Variants in LHX4 observed in about 807,000 individuals in gnomAD.
LHX4 encodes the protein LIM/homeobox protein Lhx4.
Under a neutral mutation model 39.2 loss-of-function variants are expected in LHX4, and 16 were observed. The observed-to-expected ratio is 0.41, with a 90% CI of 0.28 to 0.62. The LOEUF (loss-of-function observed/expected upper bound fraction) is 0.62, where lower values mean the gene tolerates loss of function less well. LHX4 is among the 20% of genes least tolerant of loss of function. The pLI is 0.33. For synonymous variants in LHX4, 206 were observed against 198.1 expected, an observed-to-expected ratio of 1.04 and a Z score of -0.33; for missense variants, 439 against 511.9, an observed-to-expected ratio of 0.86 and a Z score of 1.37.
At position 180,234,983 on chromosome 1, in the gene LHX4, G is replaced by A. The variant is rs1664277760; in HGVS notation, c.76+4378G>A. Among the ~76,000 whole-genome samples the A allele has an allele frequency of 6.6e-6, 1 of 152,240 alleles. No homozygotes were observed. ...ATGAGCGTTTGCTGCGCACCCATGG[G>A]CGGCTCACGATCCTGGGCACTCGCC... On this transcript the variant is annotated intron_variant, in intron 1 of 5. Transcript: ENST00000263726. This position sits in a 1 kb window ranked among gnomAD's most constrained non-coding sequence, Gnocchi z 4.8.
At chr1:180,255,598 A>C (rs1442775163) in intron 2 of LHX4, among the ~76,000 whole-genome samples, 4 of 152,228 alleles carry the variant, frequency 2.6e-5, no homozygotes, top group African/African-American at 9.6e-5. Context: ...AAAGATTCAA[A>C]CACACTGGTG....
At chr1:180,239,610 T>G (rs1295617008) in intron 1 of LHX4, among the ~76,000 whole-genome samples, 1 of 152,088 alleles carries the variant, frequency 6.6e-6, no homozygotes, top group African/African-American at 2.4e-5. Flanking sequence ...CAGATGGAGG[T>G]GGCTTTGATT....
rs150154525 is a variant in LHX4, at chr1:180,273,994, T to C, written c.779-191T>C. The C allele has an allele frequency of 1.7e-4, 111 of 635,766 alleles. No individual in the cohort carries two copies. The African/African-American group carries it at 1.8e-3, about 10-fold the overall frequency. 39.4% of individuals were successfully genotyped at this position (635,766 alleles called of 1,614,324 possible). A position where few individuals can be genotyped will look rare whatever the true frequency, so the allele number is the denominator to read the frequency against. On this transcript the variant is annotated intron_variant, in intron 5 of 5. Transcript: ENST00000263726. The stretch of plus-strand genomic sequence containing the variant: ...ATTTAGTCTTTGCAGGTGTTTCTTG[T>C]TTTTCTCCTTGGCCTGGGTTGGCCT...
chr1:180,233,414 G>T (rs949289155), intron 1 of LHX4, among the ~76,000 whole-genome samples: 2 of 152,204 alleles, frequency 1.3e-5, no homozygotes, highest in South Asian at 2.1e-4. Flanking sequence ...CCGACAGCTC[G>T]TCCCCGCCAC....
In LHX4 at chr1:180,276,931, T is replaced by A. The variant is rs984710083; in HGVS notation, c.*2352T>A. 8.5e-5 allele frequency: 13 copies of A among 152,306 alleles called. No individual in the cohort carries two copies. Among genetic ancestry groups the A allele is most frequent in the African/African-American group, 3.1e-4 (13 of 41,552 alleles). 9.4% of individuals were successfully genotyped at this position (152,306 alleles called of 1,614,324 possible). A position where few individuals can be genotyped will look rare whatever the true frequency, so the allele number is the denominator to read the frequency against. ...TTAATCATACTAATTCCCAGTTCAA[T>A]AGTGGAAGGAGAGGCCTTCCTCATT... On this transcript the variant is annotated 3_prime_UTR_variant, in exon 6 of 6. Coordinates refer to ENST00000263726, the MANE Select transcript of LHX4 (RefSeq NM_033343.4).
intron 2 of LHX4, among the ~76,000 whole-genome samples, chr1:180,255,288 C>A (rs748023946): frequency 3.9e-5 from 6 of 152,232 alleles, no homozygotes; most frequent in Non-Finnish European, 5.9e-5. Flanking sequence ...TTTCTGATAA[C>A]CACACACCTG....
intron 1 of LHX4, among the ~76,000 whole-genome samples, chr1:180,233,697 G>C (rs1046144340): frequency 6.6e-6 from 1 of 152,134 alleles, no homozygotes; most frequent in Admixed American, 6.5e-5. Context: ...CGAGGGAAAG[G>C]ACGACGGAAG....
intron 1 of LHX4, among the ~76,000 whole-genome samples, chr1:180,243,829 A>G (rs1486604492): frequency 6.6e-6 from 1 of 152,100 alleles, no homozygotes; most frequent in Non-Finnish European, 1.5e-5. Flanking sequence ...TGGTCTTATA[A>G]TCCCTTGTTG....
At chr1:180,244,365 A>G (rs12122922) in intron 1 of LHX4, among the ~76,000 whole-genome samples, 28,042 of 152,074 alleles carry the variant, frequency 0.18, 2,725 homozygotes, top group African/African-American at 0.21. Flanking sequence ...AGGACTTCTA[A>G]TTTGGGCAGC....
At position 180,266,271 on chromosome 1, in the gene LHX4, G is replaced by T; in HGVS notation, c.249-121G>T. 2 of 907,892 alleles carry T rather than the reference G, an allele frequency of 2.2e-6. No homozygotes were observed. Among genetic ancestry groups the T allele is most frequent in the Non-Finnish European group, 3.6e-6 (2 of 556,278 alleles). The allele number at this position is 907,892 out of a possible 1,614,324, so 56.2% of individuals were successfully genotyped here. A position where few individuals can be genotyped will look rare whatever the true frequency, so the allele number is the denominator to read the frequency against. ...ACCAGACGGTAAGCTCTGGGTGACT[G>T]GGGGGTGAGGCTCATGGAGTCCCGG... On this transcript the variant is annotated intron_variant, in intron 2 of 5. Transcript: ENST00000263726. The surrounding 1 kb of genome is among the most constrained non-coding windows in gnomAD (Gnocchi z 5.7).
rs1284629045 is a variant in LHX4, at chr1:180,234,259, A to G, written c.76+3654A>G. Among the ~76,000 whole-genome samples the G allele has an allele frequency of 1.4e-5, 2 of 144,794 alleles. No individual in the cohort carries two copies. Among genetic ancestry groups the G allele is most frequent in the Non-Finnish European group, 1.5e-5 (1 of 66,136 alleles). 95.0% of individuals were successfully genotyped at this position (144,794 alleles called of 152,430 possible). A position where few individuals can be genotyped will look rare whatever the true frequency, so the allele number is the denominator to read the frequency against. The stretch of plus-strand genomic sequence containing the variant: ...TCTATCATATTCCGAACATTCCGAT[A>G]TAGCAGCTGTAGGCACCATAGACCT... On this transcript the variant is annotated intron_variant, in intron 1 of 5. Coordinates refer to ENST00000263726, the MANE Select transcript of LHX4 (RefSeq NM_033343.4). This position sits in a 1 kb window ranked among gnomAD's most constrained non-coding sequence, Gnocchi z 4.8.
chr1:180,272,136 G>A, intron 5 of LHX4, 130 bp downstream of exon 5: 1 of 782,666 alleles, frequency 1.3e-6, no homozygotes, highest in Non-Finnish European at 2.0e-6. Context: ...TTTTCCTTAA[G>A]ACTTGCAGTG....
intron 2 of LHX4, among the ~76,000 whole-genome samples, chr1:180,255,739 C>G (rs1647828311): frequency 6.6e-6 from 1 of 152,240 alleles, no homozygotes. Flanking sequence ...TCTGCCCGCC[C>G]CAGAGCGTGC....
At chr1:180,262,444 T>C (rs553498733) in intron 2 of LHX4, among the ~76,000 whole-genome samples, 2 of 152,282 alleles carry the variant, frequency 1.3e-5, no homozygotes, top group South Asian at 4.1e-4. Flanking sequence ...AACAGAAGAC[T>C]AGAACCTCCA....
At chr1:180,264,367 CACACACACATA>C (rs1020381599) in intron 2 of LHX4, among the ~76,000 whole-genome samples, 13 of 130,890 alleles carry the variant, frequency 9.9e-5, no homozygotes, top group African/African-American at 3.9e-4. Flanking sequence ...CTCTGTTATA[CACACACACATA>C]ACACACACAC....
chr1:180,260,642 G>A (rs1422055114), intron 2 of LHX4, among the ~76,000 whole-genome samples: 1 of 151,880 alleles, frequency 6.6e-6, no homozygotes, highest in Non-Finnish European at 1.5e-5. Context: ...GGATGTGGAA[G>A]GTGGACAGCG....
chr1:180,231,152 C>T (rs917028312), intron 1 of LHX4, among the ~76,000 whole-genome samples: 4 of 151,106 alleles, frequency 2.6e-5, no homozygotes, highest in Admixed American at 1.3e-4. Context: ...CCCGCGGCGC[C>T]CGCCGCGTGC....
At chr1:180,251,833 T>C (rs2149257868) in intron 2 of LHX4, among the ~76,000 whole-genome samples, 1 of 152,168 alleles carries the variant, frequency 6.6e-6, no homozygotes, top group East Asian at 1.9e-4. Context: ...TGGCCACGGA[T>C]TCAGTGCTGA....
At chr1:180,236,202 T>TGGGGGG (rs1664314341) in intron 1 of LHX4, among the ~76,000 whole-genome samples, 1 of 25,374 alleles carries the variant, frequency 3.9e-5, no homozygotes, top group African/African-American at 1.6e-4. Context: ...CTCCTAGAGG[T>TGGGGGG]GGGGTGGGGG....
Sources: allele counts gnomAD v4.1 joint callset (sites outside exome capture counted in the v4.1 genomes callset), GRCh38; gene constraint gnomAD v4.1.1; non-coding constraint Gnocchi (gnomAD v3.1); transcripts MANE v1.5; gene names NCBI Gene and HGNC (gene_info 2026-07-23, HGNC 2026-07-21).